Variants in IFFO1 observed in about 807,000 individuals in gnomAD.
IFFO1 encodes non-homologous end joining factor IFFO1.
A neutral mutation model predicts 59.6 loss-of-function variants in IFFO1; 42 were observed. The ratio of observed to expected loss-of-function variants is 0.70; its 90% CI spans 0.55 to 0.91. The LOEUF is 0.91. Among genes scored for constraint, IFFO1 ranks in the 40% least tolerant of loss-of-function variants. The pLI is 0.00. For missense variants in IFFO1, 711 were observed against 793.2 expected (o/e 0.90, Z 1.24); for synonymous variants, 336 against 342.8 (o/e 0.98, Z 0.22).
Position 6,555,119 on chromosome 12 carries a change from G to A in IFFO1, c.773+138C>T. The A allele has an allele frequency of 1.2e-6, 1 of 840,956 alleles. No individual in the cohort carries two copies. Among genetic ancestry groups the A allele is most frequent in the Non-Finnish European group, 2.0e-6 (1 of 504,362 alleles). The allele number at this position is 840,956 out of a possible 1,614,324, so 52.1% of individuals were successfully genotyped here. ...GATTCTAGTCTCCCTGCATCCAATT[G>A]CTTCCAAGCTCCTCATTACACAGCA... is the stretch of plus-strand genomic sequence containing the variant. On this transcript the variant is annotated intron_variant, in intron 1 of 9. Transcript: ENST00000619571. This position sits in a 1 kb window ranked among gnomAD's most constrained non-coding sequence, Gnocchi z 8.6.
rs143420121 is a variant in IFFO1, at chr12:6,552,152, G to C, written c.774-1151C>G. 3.8e-3 allele frequency among the ~76,000 whole-genome samples: 579 copies of C among 152,350 alleles called. 4 individuals carry two copies. The highest frequency in any genetic ancestry group is 0.013 in the African/African-American group (554 of 41,578). ...GAAGACAGCAAGAAAATTAAAATCT[G>C]AGTGGGCAGCTTCTGAAGCCTTGGG... On this transcript the variant is annotated intron_variant, in intron 1 of 9. Coordinates refer to ENST00000619571, the MANE Select transcript of IFFO1 (RefSeq NM_001193457.2).
chr12:6,555,151 T>G lies in IFFO1; in HGVS notation c.773+106A>C. ...AGCTCCTCATTACACAGCACAAACT[T>G]TACTCTCATTCTTTTCACCCCTGAT... On this transcript the variant is annotated intron_variant, in intron 1 of 9. Transcript: ENST00000619571. The surrounding 1 kb of genome is among the most constrained non-coding windows in gnomAD (Gnocchi z 8.6). The G allele has an allele frequency of 1.7e-6, 2 of 1,148,832 alleles. No individual in the cohort carries two copies. Among genetic ancestry groups the G allele is most frequent in the Non-Finnish European group, 1.3e-6 (1 of 761,238 alleles). 71.2% of individuals were successfully genotyped at this position (1,148,832 alleles called of 1,614,324 possible). A position where few individuals can be genotyped will look rare whatever the true frequency, so the allele number is the denominator to read the frequency against.
chr12:6,550,310 C>T, intron 3 of IFFO1: 1 of 361,450 alleles, frequency 2.8e-6, no homozygotes, highest in African/African-American at 2.0e-5. Context: ...GCATGCTGGG[C>T]ACTGTCCCGA....
In IFFO1 at chr12:6,540,551, G is replaced by C. The variant is rs757352375; in HGVS notation, c.1648C>G (p.Pro550Ala). Residue 550 changes from proline (P) to alanine (A), a missense_variant, in exon 10 of 10, where the codon CCG becomes GCG. Pro to Ala is a conservative substitution (Grantham distance 27). This residue lies in a region of IFFO1 where 579 missense variants were observed against 650.3 expected (regional missense o/e 0.89). Coordinates refer to ENST00000619571, the MANE Select transcript of IFFO1 (RefSeq NM_001193457.2). ...PAFTAVPLSD[P>A]PPPPSEAEDS... ...TCAGCCTCGCTTGGCGGCGGCGGCG[G>C]GTCGCTAAGCGGGACCGCAGTGAAA... is the stretch of plus-strand genomic sequence containing the variant. 5.6e-6 allele frequency: 9 copies of C among 1,613,890 alleles called. No individual in the cohort carries two copies. The highest frequency in any genetic ancestry group is 1.3e-5 in the African/African-American group (1 of 74,944).
At chr12:6,544,165 C>CTCT (rs534823825) in intron 8 of IFFO1, among the ~76,000 whole-genome samples, 3 of 136,708 alleles carry the variant, frequency 2.2e-5, no homozygotes, top group African/African-American at 5.6e-5. Flanking sequence ...TTTGAAAATA[C>CTCT]TTTTTTTTTT....
chr12:6,539,759 C>T lies in IFFO1; in HGVS notation c.*724G>A, dbSNP rs1358867860. The T allele has an allele frequency of 6.5e-6, 1 of 153,050 alleles. No homozygotes were observed. The highest frequency in any genetic ancestry group is 1.9e-4 in the East Asian group (1 of 5,194). 9.5% of individuals were successfully genotyped at this position (153,050 alleles called of 1,614,324 possible). Reference sequence around the variant, plus strand: ...CCCTGAGCGCACATACACCCGCGCACACATGCATGGAGCTTCACCTTCTCT... The same window carrying T: ...CCCTGAGCGCACATACACCCGCGCATACATGCATGGAGCTTCACCTTCTCT... On this transcript the variant is annotated 3_prime_UTR_variant, in exon 10 of 10. Transcript: ENST00000619571.
At chr12:6,554,599 C>A (rs1215645749) in intron 1 of IFFO1, among the ~76,000 whole-genome samples, 1 of 152,202 alleles carries the variant, frequency 6.6e-6, no homozygotes, top group Non-Finnish European at 1.5e-5. Context: ...GCTCTCCACT[C>A]TCCCTCCCCA....
intron 8 of IFFO1, among the ~76,000 whole-genome samples, chr12:6,542,605 C>T (rs1180418915): frequency 6.6e-6 from 1 of 152,182 alleles, no homozygotes; most frequent in Non-Finnish European, 1.5e-5. Flanking sequence ...GTTACAGGGC[C>T]AGACAGCAGA....
At position 6,548,807 on chromosome 12, in the gene IFFO1, GC is replaced by G. The variant is rs750779916; in HGVS notation, c.1122del (p.Arg375GlyfsTer47). The G allele has an allele frequency of 2.5e-6, 4 of 1,612,926 alleles. No homozygotes were observed. The highest frequency in any genetic ancestry group is 2.2e-5 in the East Asian group (1 of 44,852). The stretch of plus-strand genomic sequence containing the variant: ...ACGGCAGCCTTGCGCTCCCGCTTCC[GC>G]CCCCCCATGGATGGGACCTTAATGG... Reference protein sequence around the residue: ...LSPIKVPSMGGRKRERKAAVE... With the variant: ...LSPIKVPSMGXRKRERKAAVE... On this transcript the variant is annotated frameshift_variant, in exon 6 of 10. Transcript: ENST00000619571. LOFTEE classifies it high-confidence loss of function. This position sits in a 1 kb window ranked among gnomAD's most constrained non-coding sequence, Gnocchi z 6.1.
Position 6,540,114 on chromosome 12 carries a change from G to GTGTAGAT in IFFO1, c.*368_*369insATCTACA. The stretch of plus-strand genomic sequence containing the variant: ...CACCAGTGTGGAAGACAGTGAGCTG[G>GTGTAGAT]CTCCGGACAACAGGGATGGAGGAAA... On this transcript the variant is annotated 3_prime_UTR_variant, in exon 10 of 10. Coordinates refer to ENST00000619571, the MANE Select transcript of IFFO1 (RefSeq NM_001193457.2). 1.5e-5 allele frequency: 5 copies of GTGTAGAT among 334,314 alleles called. No homozygotes were observed. Among genetic ancestry groups the GTGTAGAT allele is most frequent in the South Asian group, 2.8e-5 (1 of 35,206 alleles). The allele number at this position is 334,314 out of a possible 1,614,324, so 20.7% of individuals were successfully genotyped here. A position where few individuals can be genotyped will look rare whatever the true frequency, so the allele number is the denominator to read the frequency against.
In IFFO1 at chr12:6,549,326, G is replaced by T. The variant is rs996309548; in HGVS notation, c.1080+150C>A. ...TGCAGTCAAGAGAACAAGAGATAGA[G>T]AGAAAAAGGGGGAAGAGCAAGGAAA... On this transcript the variant is annotated intron_variant, in intron 5 of 9. Transcript: ENST00000619571. This position sits in a 1 kb window ranked among gnomAD's most constrained non-coding sequence, Gnocchi z 5.0. The T allele has an allele frequency of 1.2e-5, 9 of 728,214 alleles. No individual in the cohort carries two copies. The highest frequency in any genetic ancestry group is 1.8e-5 in the African/African-American group (1 of 56,728). The allele number at this position is 728,214 out of a possible 1,614,324, so 45.1% of individuals were successfully genotyped here.
At chr12:6,545,354 C>T (rs1369536686) in intron 8 of IFFO1, among the ~76,000 whole-genome samples, 1 of 152,008 alleles carries the variant, frequency 6.6e-6, no homozygotes, top group Non-Finnish European at 1.5e-5. Context: ...CAGAAATAAA[C>T]AATTCCTAAG....
rs773832772 is a variant in IFFO1 at position 6,555,913 on chromosome 12, G to T, written c.117C>A (p.Pro39=). The T allele has an allele frequency of 6.4e-7, 1 of 1,554,068 alleles. No homozygotes were observed. Among genetic ancestry groups the T allele is most frequent in the South Asian group, 1.2e-5 (1 of 86,374 alleles). ...GDHFAGGGDL[P]PAPLSPAGPA... is the part of the protein sequence containing the mutation. ...GGCCGGCCGGCGAGAGAGGCGCCGG[G>T]GGCAAGTCTCCTCCCCCGGCGAAGT... Residue 39 remains proline (P), a synonymous_variant, in exon 1 of 10, where the codon CCC becomes CCA. Transcript: ENST00000619571. This position sits in a 1 kb window ranked among gnomAD's most constrained non-coding sequence, Gnocchi z 8.6.
downstream of IFFO1, chr12:6,539,470 C>T (rs943962816): frequency 4.6e-5 from 7 of 151,948 alleles, no homozygotes; most frequent in African/African-American, 1.7e-4. Flanking sequence ...AAAAAAGTAC[C>T]TACCTCAGAG....
Position 6,555,029 on chromosome 12 carries a change from TC to T in IFFO1, c.773+227del, listed in dbSNP as rs966344824. Among the ~76,000 whole-genome samples the T allele has an allele frequency of 4.6e-5, 7 of 152,194 alleles. No individual in the cohort carries two copies. Among genetic ancestry groups the T allele is most frequent in the Non-Finnish European group, 5.9e-5 (4 of 68,048 alleles). ...CAGAGACAAGCCGGAAAAGTAGGAA[TC>T]CCCCCGTGTTCCGCTCCCAGCGTCC... On this transcript the variant is annotated intron_variant, in intron 1 of 9. Transcript: ENST00000619571. This position sits in a 1 kb window ranked among gnomAD's most constrained non-coding sequence, Gnocchi z 8.6.
rs778677350 is a variant in IFFO1, at chr12:6,551,021, C to T, written c.774-20G>A. ...TCCCACCTGACAGACATGGGAAGGGCGGAGAGAGCTTAGGTACAGAGTCCT... is the reference window on the plus strand; with the variant it reads ...TCCCACCTGACAGACATGGGAAGGGTGGAGAGAGCTTAGGTACAGAGTCCT... On this transcript the variant is annotated intron_variant, in intron 1 of 9. Transcript: ENST00000619571. 2.7e-5 allele frequency: 43 copies of T among 1,613,078 alleles called. No individual in the cohort carries two copies. Among genetic ancestry groups the T allele is most frequent in the Admixed American group, 1.7e-4 (10 of 60,000 alleles).
chr12:6,550,852 C>A, intron 2 of IFFO1, 62 bp from the exon 3 acceptor site: 1 of 1,602,630 alleles, frequency 6.2e-7, no homozygotes. Context: ...GATAAAGATG[C>A]CAAGGAGGGA....
chr12:6,542,631 G>A (rs777272868), intron 8 of IFFO1, among the ~76,000 whole-genome samples: 7 of 152,260 alleles, frequency 4.6e-5, no homozygotes, highest in Non-Finnish European at 1.0e-4. Context: ...TCAGGACAGT[G>A]ACATTTGGGG....
At position 6,540,483 on chromosome 12, in the gene IFFO1, C is replaced by G. The variant is rs1565560473; in HGVS notation, c.1716G>C (p.Ter572TyrextTer93). The change falls in exon 10 of 10, where the codon TAG becomes TAC. Residue 572 changes from the stop codon to tyrosine (Y), a stop_lost. Coordinates refer to ENST00000619571, the MANE Select transcript of IFFO1 (RefSeq NM_001193457.2). ...TCGGGTGCAAGGGGGAGGCAGGTCT[C>G]TATCTCATGGAGCTGTCAGATGAGA... ...RDVSSDSSMR[*>Y] 1 of 1,613,068 alleles carries G rather than the reference C, an allele frequency of 6.2e-7. No homozygotes were observed. Among genetic ancestry groups the G allele is most frequent in the Non-Finnish European group, 8.5e-7 (1 of 1,179,090 alleles).
Sources: gnomAD v4.1 joint callset for allele counts (sites outside exome capture counted in the v4.1 genomes callset) on GRCh38, gnomAD v4.1.1 for gene constraint, gnomAD v4.1.1 regional missense constraint, Gnocchi (gnomAD v3.1) non-coding constraint, MANE v1.5 for transcripts, NCBI Gene and HGNC (gene_info 2026-07-23, HGNC 2026-07-21) for gene names.